Variants in TMEM270 observed in about 807,000 individuals in gnomAD.
TMEM270 encodes transmembrane protein 270.
A neutral mutation model predicts 29.9 loss-of-function variants in TMEM270; 30 were observed. The ratio of observed to expected loss-of-function variants is 1.00; its 90% CI spans 0.75 to 1.36. The LOEUF (loss-of-function observed/expected upper bound fraction) is 1.36. TMEM270 is among the 40% of genes most tolerant of loss of function. TMEM270 has a pLI of 0.00. For missense variants in TMEM270, 313 were observed against 307.1 expected (o/e 1.02, Z -0.14); for synonymous variants, 135 against 139.8 (o/e 0.97, Z 0.24).
In TMEM270 at chr7:73,865,887, T is replaced by C; in HGVS notation, c.*14T>C. On this transcript the variant is annotated 3_prime_UTR_variant, in exon 3 of 3. Transcript: ENST00000320531. Reference sequence around the variant, plus strand: ...CCCAGAGAATAAATGTATCCCCATCTGCCTCTCCTGGTCTGGCCTAGCCTA... The same window carrying C: ...CCCAGAGAATAAATGTATCCCCATCCGCCTCTCCTGGTCTGGCCTAGCCTA... The C allele has an allele frequency of 6.2e-7, 1 of 1,603,462 alleles. No homozygotes were observed. Among genetic ancestry groups the C allele is most frequent in the Non-Finnish European group, 8.5e-7 (1 of 1,177,258 alleles).
At chr7:73,860,884 C>T (rs965248879), upstream of TMEM270, among the ~76,000 whole-genome samples, 1 of 152,108 alleles carries the variant, frequency 6.6e-6, no homozygotes, top group Non-Finnish European at 1.5e-5. Flanking sequence ...TGGCCTCAAG[C>T]GATCCTCCTA....
intron 1 of TMEM270, among the ~76,000 whole-genome samples, chr7:73,864,484 A>T (rs1788854848): frequency 6.6e-6 from 1 of 152,062 alleles, no homozygotes; most frequent in African/African-American, 2.4e-5. Flanking sequence ...ACACCTTCTA[A>T]TGTTCCCTTC....
chr7:73,864,951 G>A lies in TMEM270; in HGVS notation c.73-42G>A, dbSNP rs782613998. ...AAAAGTGGGGTTCCTGTCCCAGGAG[G>A]GTGATGATGGCTGACGGTTGTCTCT... On this transcript the variant is annotated intron_variant, in intron 1 of 2. Transcript: ENST00000320531. 4.2e-6 allele frequency: 6 copies of A among 1,423,066 alleles called. No individual in the cohort carries two copies. In the East Asian group the frequency reaches 1.2e-4, roughly 30 times the overall value. 88.2% of individuals were successfully genotyped at this position (1,423,066 alleles called of 1,614,324 possible). A position where few individuals can be genotyped will look rare whatever the true frequency, so the allele number is the denominator to read the frequency against.
intron 1 of TMEM270, among the ~76,000 whole-genome samples, chr7:73,862,898 A>T (rs1254019198): frequency 6.7e-6 from 1 of 148,964 alleles, no homozygotes; most frequent in African/African-American, 2.4e-5. Context: ...AAAAAAAAAA[A>T]AGATTTGCAT....
At chr7:73,861,725 G>A (rs1473273022) in intron 1 of TMEM270, 1 of 249,288 alleles carries the variant, frequency 4.0e-6, no homozygotes, top group Admixed American at 4.7e-5. Flanking sequence ...GGGATTATAG[G>A]TGTGAGCCAC....
intron 1 of TMEM270, chr7:73,861,660 G>A (rs575699385): frequency 3.7e-5 from 12 of 320,412 alleles, no homozygotes; most frequent in South Asian, 2.1e-4. Flanking sequence ...TTGCCCAGGC[G>A]GGTCTCCAAC....
In TMEM270 at chr7:73,865,841, G is replaced by A. The variant is rs782385925; in HGVS notation, c.766G>A (p.Val256Ile). 6.2e-7 allele frequency: 1 copy of A among 1,612,920 alleles called. No individual in the cohort carries two copies. Among genetic ancestry groups the A allele is most frequent in the South Asian group, 1.1e-5 (1 of 91,084 alleles). The stretch of plus-strand genomic sequence containing the variant: ...GTCCTCGGACTCAGAGTCTGGAACA[G>A]TTTTGCCAGAGCAAGAAACTCCCAG... ...SASSDSESGT[V>I]LPEQETPRE Residue 256 changes from valine (V) to isoleucine (I), a missense_variant, in exon 3 of 3, where the codon GTT becomes ATT. By Grantham distance (29) the Val-to-Ile change is conservative. Transcript: ENST00000320531.
intron 1 of TMEM270, among the ~76,000 whole-genome samples, chr7:73,864,742 A>C (rs1250825906): frequency 1.3e-5 from 2 of 151,990 alleles, no homozygotes; most frequent in Non-Finnish European, 2.9e-5. Context: ...ATCTCTATTA[A>C]AAATACAAAA....
chr7:73,864,499 A>G (rs1788855080), intron 1 of TMEM270, among the ~76,000 whole-genome samples: 1 of 152,080 alleles, frequency 6.6e-6, no homozygotes, highest in Admixed American at 6.6e-5. Context: ...CCCTTCTCAG[A>G]AGGGAGTCCT....
At chr7:73,861,576 GT>G (rs1554639288) in intron 1 of TMEM270, 1 of 518,466 alleles carries the variant, frequency 1.9e-6, no homozygotes, top group Admixed American at 2.4e-5. Flanking sequence ...CAGCCTCCAA[GT>G]AGCCGGGACT....
chr7:73,865,882 C>G lies in TMEM270; in HGVS notation c.*9C>G. ...AAACTCCCAGAGAATAAATGTATCC[C>G]CATCTGCCTCTCCTGGTCTGGCCTA... On this transcript the variant is annotated 3_prime_UTR_variant, in exon 3 of 3. Transcript: ENST00000320531. 2 of 1,605,306 alleles carry G rather than the reference C, an allele frequency of 1.2e-6. No individual in the cohort carries two copies. The highest frequency in any genetic ancestry group is 1.7e-6 in the Non-Finnish European group (2 of 1,177,778).
chr7:73,865,573 C>T lies in TMEM270; in HGVS notation c.502-4C>T, dbSNP rs200954296. ...CCACCTGCCCATCTGTCTCCCTGTT[C>T]CAGGCCTTGCAAGTGAACTGCGTGG... On this transcript the variant is annotated splice_region_variant and splice_polypyrimidine_tract_variant and intron_variant, in intron 2 of 2. Coordinates refer to ENST00000320531, the MANE Select transcript of TMEM270 (RefSeq NM_182504.4). 6 of 1,612,646 alleles carry T rather than the reference C, an allele frequency of 3.7e-6. No individual in the cohort carries two copies. Among genetic ancestry groups the T allele is most frequent in the Non-Finnish European group, 5.1e-6 (6 of 1,179,096 alleles).
At position 73,865,216 on chromosome 7, in the gene TMEM270, G is replaced by T; in HGVS notation, c.296G>T (p.Trp99Leu). The T allele has an allele frequency of 6.2e-7, 1 of 1,613,792 alleles. No individual in the cohort carries two copies. The highest frequency in any genetic ancestry group is 8.5e-7 in the Non-Finnish European group (1 of 1,180,014). The change falls in exon 2 of 3, where the codon TGG (tryptophan) becomes TTG (leucine). Residue 99 changes from tryptophan to leucine, a missense_variant. Trp to Leu is a moderately conservative substitution (Grantham distance 61, BLOSUM62 -2). Transcript: ENST00000320531. ...GTGCTACAGGGACCCAGGCTGATGTGGGCTGGCATGTGGGGCAGCACCAAG... is the reference window on the plus strand; with the variant it reads ...GTGCTACAGGGACCCAGGCTGATGTTGGCTGGCATGTGGGGCAGCACCAAG... ...WLVLQGPRLM[W>L]AGMWGSTKGL...
At chr7:73,864,114 CAAAAAAAAAAA>C in intron 1 of TMEM270, among the ~76,000 whole-genome samples, 1 of 81,010 alleles carries the variant, frequency 1.2e-5, no homozygotes, top group South Asian at 4.8e-4. Context: ...CCCGCCTCTA[CAAAAAAAAAAA>C]AAAAAAAAAA....
At chr7:73,862,493 G>A (rs782549754) in intron 1 of TMEM270, among the ~76,000 whole-genome samples, 2 of 151,926 alleles carry the variant, frequency 1.3e-5, no homozygotes, top group Non-Finnish European at 2.9e-5. Context: ...TATAGATTGA[G>A]CCTGGGAGGC....
chr7:73,861,540 C>A, intron 1 of TMEM270: 1 of 590,790 alleles, frequency 1.7e-6, no homozygotes, highest in South Asian at 1.5e-5. Flanking sequence ...GCCTCCAACT[C>A]CCGGTCTCAA....
At chr7:73,864,066 C>G (rs1788845324) in intron 1 of TMEM270, among the ~76,000 whole-genome samples, 1 of 142,558 alleles carries the variant, frequency 7.0e-6, no homozygotes, top group Non-Finnish European at 1.5e-5. Flanking sequence ...TTGCTTGAGG[C>G]CAGGAGTTCG....
chr7:73,865,460 A>C (rs781931504), intron 2 of TMEM270, 39 bp downstream of exon 2: 1 of 1,587,802 alleles, frequency 6.3e-7, no homozygotes, highest in African/African-American at 1.3e-5. Flanking sequence ...GTGGAGGGCA[A>C]ACCTGGGGTA....
At chr7:73,860,910 G>T (rs1236630636), upstream of TMEM270, among the ~76,000 whole-genome samples, 3 of 152,122 alleles carry the variant, frequency 2.0e-5, no homozygotes, top group Non-Finnish European at 4.4e-5. Flanking sequence ...GCCTCCCAAA[G>T]CATTGGGAAT....
Sources: allele counts gnomAD v4.1 joint callset (sites outside exome capture counted in the v4.1 genomes callset), GRCh38; gene constraint gnomAD v4.1.1; transcripts MANE v1.5; gene names NCBI Gene and HGNC (gene_info 2026-07-23, HGNC 2026-07-21).